TBCE: variants seen among roughly 807,000 people sequenced by gnomAD.
The protein encoded by TBCE is tubulin-specific chaperone E.
In TBCE, 53 loss-of-function variants were observed where a neutral mutation model predicts 77.0. That is an observed-to-expected ratio of 0.69 (90% CI 0.55 to 0.87). The LOEUF (loss-of-function observed/expected upper bound fraction) is 0.87. Among genes scored for constraint, TBCE ranks in the 40% least tolerant of loss-of-function variants. TBCE has a pLI of 0.00. For synonymous variants in TBCE, 235 were observed against 241.3 expected, an observed-to-expected ratio of 0.97 and a Z score of 0.24; for missense variants, 624 against 622.4, an observed-to-expected ratio of 1.00 and a Z score of -0.03.
chr1:235,421,003 A>G (rs1680369836), intron 5 of TBCE, among the ~76,000 whole-genome samples: 1 of 152,216 alleles, frequency 6.6e-6, no homozygotes, highest in Non-Finnish European at 1.5e-5. Flanking sequence ...ATACCCCAAC[A>G]GAGGCTCTTT....
At position 235,406,072 on chromosome 1, in the gene TBCE, C is replaced by T. The variant is rs543335929; in HGVS notation, c.185+4485C>T. On this transcript the variant is annotated intron_variant, in intron 3 of 16. Coordinates refer to ENST00000642610, the MANE Select transcript of TBCE (RefSeq NM_003193.5). The stretch of plus-strand genomic sequence containing the variant: ...TTTACATAATTGAAGTACATATTAT[C>T]TTATTATAAATAACTTTTTAAAATT... 3.9e-3 allele frequency among the ~76,000 whole-genome samples: 600 copies of T among 152,254 alleles called. 4 individuals are homozygous for T. The highest frequency in any genetic ancestry group is 0.014 in the African/African-American group (573 of 41,544).
chr1:235,380,070 G>A lies in TBCE; in HGVS notation c.21G>A (p.Ala7=), dbSNP rs200382427. 5.0e-5 allele frequency: 81 copies of A among 1,613,682 alleles called. No individual in the cohort carries two copies. The highest frequency in any genetic ancestry group is 1.6e-4 in the East Asian group (7 of 44,876). The stretch of plus-strand genomic sequence containing the variant: ...TTATAATGAGTGACACTTTGACAGC[G>A]GATGTCATTGGTCGAAGAGTTGAAG... MSDTLT[A]DVIGRRVEVN... The change falls in exon 2 of 17, where the codon GCG becomes GCA. Residue 7 remains alanine (A), a synonymous_variant. Transcript: ENST00000642610.
intron 3 of TBCE, among the ~76,000 whole-genome samples, chr1:235,401,826 C>CTTTTTTTTTT (rs11285286): frequency 6.8e-5 from 6 of 88,602 alleles, no homozygotes; most frequent in Non-Finnish European, 8.4e-5. Flanking sequence ...TTTCTTCGTC[C>CTTTTTTTTTT]TTTTTTTTTT....
At position 235,389,056 on chromosome 1, in the gene TBCE, G is replaced by C. The variant is rs1213854977; in HGVS notation, c.100+8907G>C. 2.6e-5 allele frequency among the ~76,000 whole-genome samples: 4 copies of C among 152,148 alleles called. No individual in the cohort carries two copies. In the East Asian group the frequency reaches 7.7e-4, roughly 29 times the overall value. Reference sequence around the variant, plus strand: ...GTTCCATAAGAGGGCAGACAGTTGAGGGCTATTTACCAAAAGCCAGTCCTC... The same window carrying C: ...GTTCCATAAGAGGGCAGACAGTTGACGGCTATTTACCAAAAGCCAGTCCTC... On this transcript the variant is annotated intron_variant, in intron 2 of 16. Transcript: ENST00000642610.
chr1:235,432,909 T>G (rs1278335287), intron 7 of TBCE: 3 of 930,624 alleles, frequency 3.2e-6, no homozygotes, highest in Middle Eastern at 4.1e-4. Flanking sequence ...TATAATAATT[T>G]TTTGTAATTT....
chr1:235,422,168 T>C (rs1210974744), intron 5 of TBCE, among the ~76,000 whole-genome samples: 3 of 152,234 alleles, frequency 2.0e-5, no homozygotes. Flanking sequence ...GCCACAGCAG[T>C]GTCAGAGCAT....
intron 13 of TBCE, among the ~76,000 whole-genome samples, chr1:235,440,601 C>T (rs1489623465): frequency 6.6e-6 from 1 of 151,702 alleles, no homozygotes; most frequent in African/African-American, 2.4e-5. Context: ...ACCAGGTTGG[C>T]CAGGCTGGTC....
chr1:235,388,283 CTT>C (rs908940784), intron 2 of TBCE, among the ~76,000 whole-genome samples: 30 of 117,344 alleles, frequency 2.6e-4, no homozygotes, highest in African/African-American at 8.0e-4. Context: ...TCTGTTACTT[CTT>C]TTTTTTTTTT....
At chr1:235,435,570 C>T (rs1263778945) in intron 8 of TBCE, among the ~76,000 whole-genome samples, 175 bp from the exon 9 acceptor site, 1 of 152,124 alleles carries the variant, frequency 6.6e-6, no homozygotes, top group Non-Finnish European at 1.5e-5. Flanking sequence ...GACACTGATA[C>T]CGGCAGGAAT....
Position 235,451,276 on chromosome 1 carries a change from C to T in TBCE, c.*2514C>T, listed in dbSNP as rs190587970. 1 of 152,254 alleles carries T rather than the reference C, an allele frequency of 6.6e-6. No homozygotes were observed. The highest frequency in any genetic ancestry group is 1.5e-5 in the Non-Finnish European group (1 of 68,058). 9.4% of individuals were successfully genotyped at this position (152,254 alleles called of 1,614,324 possible). A position where few individuals can be genotyped will look rare whatever the true frequency, so the allele number is the denominator to read the frequency against. ...AGTCTCTCTCCCCTCAGTGCCTACC[C>T]ACAGCTTGCACTTAGGTAGGTCTGG... On this transcript the variant is annotated 3_prime_UTR_variant, in exon 17 of 17. Transcript: ENST00000642610.
In TBCE at chr1:235,449,998, A is replaced by G. The variant is rs750154992; in HGVS notation, c.*1236A>G. ...GATAATCTTCCAATAGATAAATAAA[A>G]ACTTTTCTTATGCTACAGTACAAGT... On this transcript the variant is annotated 3_prime_UTR_variant, in exon 17 of 17. Coordinates refer to ENST00000642610, the MANE Select transcript of TBCE (RefSeq NM_003193.5). 9.1e-6 allele frequency: 4 copies of G among 441,976 alleles called. No homozygotes were observed. The highest frequency in any genetic ancestry group is 4.0e-5 in the African/African-American group (2 of 50,124). The allele number at this position is 441,976 out of a possible 1,614,324, so 27.4% of individuals were successfully genotyped here. A position where few individuals can be genotyped will look rare whatever the true frequency, so the allele number is the denominator to read the frequency against.
intron 2 of TBCE, among the ~76,000 whole-genome samples, chr1:235,399,325 TG>T (rs1678942375): frequency 6.6e-6 from 1 of 152,210 alleles, no homozygotes; most frequent in African/African-American, 2.4e-5. Flanking sequence ...TATTGGTTTT[TG>T]TTCATGGTTC....
intron 2 of TBCE, among the ~76,000 whole-genome samples, chr1:235,388,285 T>TC (rs1192296048): frequency 7.9e-6 from 1 of 126,744 alleles, no homozygotes; most frequent in East Asian, 2.0e-4. Flanking sequence ...TGTTACTTCT[T>TC]TTTTTTTTTT....
intron 15 of TBCE, among the ~76,000 whole-genome samples, chr1:235,445,987 A>G (rs933933096): frequency 6.6e-6 from 1 of 152,128 alleles, no homozygotes; most frequent in Non-Finnish European, 1.5e-5. Context: ...GTGGCTATTT[A>G]AATTCATTAA....
Position 235,436,408 on chromosome 1 carries a change from G to C in TBCE, c.856G>C (p.Asp286His), listed in dbSNP as rs1351213902. The part of the protein sequence containing the change: ...LPRLEQLILS[D>H]TGISSLHFPD... ...CAGGTTAGAACAATTAATCCTCTCT[G>C]ACACTGGAATTTCTTCTCTACATTT... Residue 286 changes from aspartate to histidine, a missense_variant, in exon 10 of 17, where the codon GAC becomes CAC. Asp to His is a moderately conservative substitution (Grantham distance 81, BLOSUM62 -1). Transcript: ENST00000642610. The C allele has an allele frequency of 6.2e-7, 1 of 1,613,998 alleles. No homozygotes were observed. The highest frequency in any genetic ancestry group is 1.1e-5 in the South Asian group (1 of 91,074).
chr1:235,419,664 C>T, intron 5 of TBCE, 103 bp downstream of exon 5: 1 of 1,492,860 alleles, frequency 6.7e-7, no homozygotes, highest in Non-Finnish European at 9.2e-7. Flanking sequence ...TTGACAACTT[C>T]CTTCCTAATG....
chr1:235,432,390 C>A (rs56126911), intron 7 of TBCE, among the ~76,000 whole-genome samples: 3 of 152,188 alleles, frequency 2.0e-5, no homozygotes, highest in Non-Finnish European at 2.9e-5. Context: ...GCCCCTTGTG[C>A]CCTTAATATG....
chr1:235,448,505 G>C (rs1398467319), intron 16 of TBCE, 65 bp downstream of exon 16: 2 of 1,507,870 alleles, frequency 1.3e-6, no homozygotes, highest in African/African-American at 1.4e-5. Context: ...ACATTAAACT[G>C]TCTCTAGATA....
chr1:235,436,315 C>T, intron 9 of TBCE, 71 bp from the exon 10 acceptor site: 3 of 1,473,592 alleles, frequency 2.0e-6, no homozygotes, highest in Non-Finnish European at 2.8e-6. Flanking sequence ...AATTTACAAA[C>T]CGAGTCTGGT....
Sources: allele counts gnomAD v4.1 joint callset (sites outside exome capture counted in the v4.1 genomes callset), GRCh38; gene constraint gnomAD v4.1.1; transcripts MANE v1.5; gene names NCBI Gene and HGNC (gene_info 2026-07-23, HGNC 2026-07-21).